The following HS1BP3 variants were observed in gnomAD, a reference collection of about 807,000 sequenced individuals.
HS1BP3 encodes HCLS1-binding protein 3.
A neutral mutation model predicts 33.5 loss-of-function variants in HS1BP3; 32 were observed. That is an observed-to-expected ratio of 0.95 (90% CI 0.72 to 1.28). The LOEUF is 1.28. Ranked by LOEUF, HS1BP3 falls within the 50% of genes most tolerant of loss-of-function variation. The probability of loss-of-function intolerance (pLI) is 0.00; values close to 1 mark genes in which losing one functional copy is unlikely to be tolerated. For missense variants in HS1BP3, 486 were observed against 502.3 expected, an observed-to-expected ratio of 0.97 and a Z score of 0.31; for synonymous variants, 187 against 209.2, an observed-to-expected ratio of 0.89 and a Z score of 0.92.
At chr2:20,566,600 G>T (rs1409103101) in intron 5 of HS1BP3, among the ~76,000 whole-genome samples, 2 of 145,848 alleles carry the variant, frequency 1.4e-5, no homozygotes, top group African/African-American at 5.1e-5. Context: ...TTTGTCACAG[G>T]TTTTTTTTTT....
intron 5 of HS1BP3, among the ~76,000 whole-genome samples, chr2:20,624,410 C>T (rs1039095713): frequency 6.6e-6 from 1 of 152,186 alleles, no homozygotes; most frequent in African/African-American, 2.4e-5. Context: ...CCCAAGGCCG[C>T]TCGGTTTTCC....
At chr2:20,622,518 G>A (rs997630074) in intron 6 of HS1BP3, 13 of 351,904 alleles carry the variant, frequency 3.7e-5, no homozygotes, top group African/African-American at 6.4e-5. Context: ...CGCGCACTAC[G>A]AGCCCTGCTT....
chr2:20,584,671 G>GC (rs58622249), intron 5 of HS1BP3, among the ~76,000 whole-genome samples: 26,468 of 152,090 alleles, frequency 0.17, 2,327 homozygotes, highest in South Asian at 0.27. Context: ...TTAGGAATTT[G>GC]CCCCCCAAGT....
chr2:20,648,109 T>C (rs1463765078), intron 1 of HS1BP3, among the ~76,000 whole-genome samples: 1 of 152,232 alleles, frequency 6.6e-6, no homozygotes, highest in Non-Finnish European at 1.5e-5. Flanking sequence ...CTGAAGGACA[T>C]AGCTGCTGCA....
intron 2 of HS1BP3, among the ~76,000 whole-genome samples, chr2:20,602,546 A>C (rs1694093095): frequency 6.6e-6 from 1 of 152,230 alleles, no homozygotes. Context: ...CTTGAAAAAA[A>C]CCGAAACATC....
chr2:20,629,029 G>T (rs1694885734), intron 4 of HS1BP3, among the ~76,000 whole-genome samples: 1 of 152,192 alleles, frequency 6.6e-6, no homozygotes, highest in Non-Finnish European at 1.5e-5. Flanking sequence ...GGTGCGAGGG[G>T]AAGACAGGCT....
downstream of HS1BP3, among the ~76,000 whole-genome samples, chr2:20,556,893 A>C (rs1692854585): frequency 6.6e-6 from 1 of 152,280 alleles, no homozygotes; most frequent in South Asian, 2.1e-4. Flanking sequence ...ATTTGTAATC[A>C]GTGGGGAAGG....
intron 2 of HS1BP3, among the ~76,000 whole-genome samples, chr2:20,644,957 G>A (rs1695470600): frequency 6.6e-6 from 1 of 152,162 alleles, no homozygotes. Flanking sequence ...CTTTGCTTAG[G>A]ATGTGTTGTC....
At chr2:20,617,039 C>A (rs1379429682), downstream of HS1BP3, among the ~76,000 whole-genome samples, 1 of 152,130 alleles carries the variant, frequency 6.6e-6, no homozygotes, top group African/African-American at 2.4e-5. Context: ...CTGCCAGTGA[C>A]CCCAAGCAGA....
At chr2:20,564,072 T>C (rs1000197065) in intron 5 of HS1BP3, among the ~76,000 whole-genome samples, 1 of 152,170 alleles carries the variant, frequency 6.6e-6, no homozygotes, top group Non-Finnish European at 1.5e-5. Context: ...GCACGGCAAG[T>C]CCAGAGTGAA....
chr2:20,595,494 G>C (rs1693921626), intron 3 of HS1BP3, among the ~76,000 whole-genome samples: 2 of 152,296 alleles, frequency 1.3e-5, no homozygotes, highest in African/African-American at 4.8e-5. Flanking sequence ...GAGGCAGCAG[G>C]AGGGCTTCCT....
intron 6 of HS1BP3, chr2:20,623,592 C>A: frequency 4.0e-6 from 1 of 249,946 alleles, no homozygotes; most frequent in Non-Finnish European, 7.5e-6. Context: ...CCTGCTCTTG[C>A]AATTATATAA....
intron 5 of HS1BP3, among the ~76,000 whole-genome samples, chr2:20,568,139 G>A (rs1693180321): frequency 6.6e-6 from 1 of 152,156 alleles, no homozygotes; most frequent in Non-Finnish European, 1.5e-5. Flanking sequence ...GGCCATTCTA[G>A]CTGGAGACAG....
chr2:20,607,650 T>C (rs572025625), intron 2 of HS1BP3, among the ~76,000 whole-genome samples: 1 of 152,384 alleles, frequency 6.6e-6, no homozygotes, highest in East Asian at 1.9e-4. Context: ...TTGATTACTG[T>C]AACTTTGTAG....
chr2:20,602,399 T>A lies in HS1BP3; in HGVS notation c.179-4134A>T, dbSNP rs200725724. Among the ~76,000 whole-genome samples the A allele has an allele frequency of 2.6e-5, 4 of 152,184 alleles. No homozygotes were observed. In the East Asian group the frequency reaches 7.7e-4, roughly 29 times the overall value. Reference sequence around the variant, plus strand: ...TGCACGGAATTTACTTTTGGTTTCATCGCAAGATGCATACTTTCATTTTGC... The same window carrying A: ...TGCACGGAATTTACTTTTGGTTTCAACGCAAGATGCATACTTTCATTTTGC... On this transcript the variant is annotated intron_variant, in intron 2 of 3. Coordinates refer to the HS1BP3 transcript ENST00000415264.
chr2:20,574,476 G>A (rs572332104), intron 5 of HS1BP3, among the ~76,000 whole-genome samples: 49 of 152,158 alleles, frequency 3.2e-4, no homozygotes, highest in Non-Finnish European at 5.9e-4. Context: ...CCACCACTGC[G>A]AAGGGCCCTA....
intron 3 of HS1BP3, among the ~76,000 whole-genome samples, chr2:20,595,169 G>A (rs945180325): frequency 6.6e-6 from 1 of 152,144 alleles, no homozygotes; most frequent in Non-Finnish European, 1.5e-5. Context: ...TTTCCCAGCT[G>A]TGGGCAGAGA....
Position 20,638,083 on chromosome 2 carries a change from A to C in HS1BP3, c.623+353T>G, listed in dbSNP as rs1228681109. The C allele has an allele frequency of 4.4e-5, 20 of 450,756 alleles. No homozygotes were observed. In the South Asian group the frequency reaches 9.0e-4, roughly 20 times the overall value. The allele number at this position is 450,756 out of a possible 1,614,324, so 27.9% of individuals were successfully genotyped here. On this transcript the variant is annotated intron_variant, in intron 4 of 6. Coordinates refer to ENST00000304031, the MANE Select transcript of HS1BP3 (RefSeq NM_022460.4). ...CCGCAGCCACCTCTGCGAGTCCCAC[A>C]GCTGGAAGGAGCACCCAGTCCTCCC...
Position 20,566,021 on chromosome 2 carries a change from G to A in HS1BP3, c.303-5506C>T, listed in dbSNP as rs557140643. Among the ~76,000 whole-genome samples, 3 of 152,346 alleles carry A rather than the reference G, an allele frequency of 2.0e-5. No homozygotes were observed. In the South Asian group the frequency reaches 6.2e-4, roughly 32 times the overall value. ...CAACCCTATTTCACTAATGAGGAAAGGGCTTAACAAACTCCACCAAGGTCG... is the reference window on the plus strand; with the variant it reads ...CAACCCTATTTCACTAATGAGGAAAAGGCTTAACAAACTCCACCAAGGTCG... On this transcript the variant is annotated intron_variant, in intron 5 of 5. Transcript: ENST00000446825.
Sources: allele counts gnomAD v4.1 joint callset (sites outside exome capture counted in the v4.1 genomes callset), GRCh38; gene constraint gnomAD v4.1.1; transcripts MANE v1.5; gene names NCBI Gene and HGNC (gene_info 2026-07-23, HGNC 2026-07-21).